MYRFL: variants seen among roughly 807,000 people sequenced by gnomAD.
MYRFL encodes myelin regulatory factor-like protein.
MYRFL carries 88 observed loss-of-function variants against 109.4 expected under a neutral mutation model. The observed-to-expected ratio is 0.80, with a 90% CI of 0.68 to 0.96. The LOEUF is 0.96. MYRFL is among the 40% of genes least tolerant of loss of function. The pLI, the probability that MYRFL is intolerant of heterozygous loss-of-function variation, is 0.00. For synonymous variants in MYRFL, 324 were observed against 320.9 expected, an observed-to-expected ratio of 1.01 and a Z score of -0.10; for missense variants, 957 against 954.9, an observed-to-expected ratio of 1.00 and a Z score of -0.03.
chr12:69,940,389 G>A (rs866260551), intron 19 of MYRFL, among the ~76,000 whole-genome samples: 181 of 150,868 alleles, frequency 1.2e-3, no homozygotes, highest in Middle Eastern at 3.4e-3. Flanking sequence ...GAGAGTGGGG[G>A]CCAATATTCA....
rs1187483605 is a variant in MYRFL, at chr12:69,895,405, A to C, written c.1015A>C (p.Thr339Pro). Reference sequence around the variant, plus strand: ...ACTGGCTGACCAGGTCACCAAAGTAACACTGGGACGATTACACTTCAGCGA... The same window carrying C: ...ACTGGCTGACCAGGTCACCAAAGTACCACTGGGACGATTACACTTCAGCGA... ...DLLADQVTKV[T>P]LGRLHFSETT... The change falls in exon 9 of 25, where the codon ACA becomes CCA. Residue 339 changes from threonine to proline, a missense_variant. Coordinates refer to ENST00000552032, the MANE Select transcript of MYRFL (RefSeq NM_182530.3). 20 of 1,535,642 alleles carry C rather than the reference A, an allele frequency of 1.3e-5. No individual in the cohort carries two copies. The highest frequency in any genetic ancestry group is 1.7e-5 in the Non-Finnish European group (20 of 1,146,676).
At chr12:69,898,659 C>G (rs2136343143) in intron 10 of MYRFL, among the ~76,000 whole-genome samples, 1 of 152,330 alleles carries the variant, frequency 6.6e-6, no homozygotes, top group South Asian at 2.1e-4. Flanking sequence ...ACAGATAATG[C>G]CATTCTTTTC....
At chr12:69,944,898 C>A (rs896442633) in intron 19 of MYRFL, among the ~76,000 whole-genome samples, 2 of 151,808 alleles carry the variant, frequency 1.3e-5, no homozygotes, top group African/African-American at 4.8e-5. Context: ...TGATGGATAT[C>A]CCAAGTTACA....
At position 69,857,225 on chromosome 12, in the gene MYRFL, C is replaced by T. The variant is rs574173947; in HGVS notation, c.137+1855C>T. ...CTCTTCATTCCTTTCCATTGATCTA[C>T]GTGCCTATCATTTTGCCAACACAAC... On this transcript the variant is annotated intron_variant, in intron 2 of 24. Transcript: ENST00000552032. Among the ~76,000 whole-genome samples, 9 of 151,942 alleles carry T rather than the reference C, an allele frequency of 5.9e-5. No homozygotes were observed. In the East Asian group the frequency reaches 1.3e-3, roughly 23 times the overall value.
chr12:69,893,141 T>G (rs1380878118), intron 7 of MYRFL, among the ~76,000 whole-genome samples: 1 of 152,228 alleles, frequency 6.6e-6, no homozygotes, highest in Non-Finnish European at 1.5e-5. Flanking sequence ...AAACTCTTGA[T>G]GTAGGCCACC....
In MYRFL at chr12:69,827,876, A is replaced by G. The variant is rs1411599352; in HGVS notation, c.46+2313A>G. 3.9e-5 allele frequency among the ~76,000 whole-genome samples: 6 copies of G among 152,198 alleles called. No individual in the cohort carries two copies. The East Asian group carries it at 1.2e-3, about 29-fold the overall frequency. On this transcript the variant is annotated intron_variant, in intron 1 of 24. Coordinates refer to ENST00000552032, the MANE Select transcript of MYRFL (RefSeq NM_182530.3). ...GAAAACAGTTAATATATTTCCATTC[A>G]TGCACACACAAATACATAGAAAAAA...
chr12:69,895,906 A>C (rs1953978036), intron 9 of MYRFL, among the ~76,000 whole-genome samples: 1 of 152,190 alleles, frequency 6.6e-6, no homozygotes, highest in Non-Finnish European at 1.5e-5. Flanking sequence ...TGGTTTTCAA[A>C]GTGTGGTTCC....
At chr12:69,909,941 A>T (rs1390145122) in intron 11 of MYRFL, 28 bp from the exon 12 acceptor site, 4 of 1,456,270 alleles carry the variant, frequency 2.7e-6, no homozygotes, top group Non-Finnish European at 3.7e-6. Context: ...CTATGCGAGT[A>T]AAATCTGCTC....
At chr12:69,924,490 C>T (rs1955010165) in intron 13 of MYRFL, among the ~76,000 whole-genome samples, 1 of 152,154 alleles carries the variant, frequency 6.6e-6, no homozygotes, top group South Asian at 2.1e-4. Flanking sequence ...AAATGTACCA[C>T]AGTTTATTAT....
At position 69,910,019 on chromosome 12, in the gene MYRFL, A is replaced by G. The variant is rs1046114276; in HGVS notation, c.1434A>G (p.Glu478=). The change falls in exon 12 of 25, where the codon GAA becomes GAG. Residue 478 remains glutamate (E), a synonymous_variant. Transcript: ENST00000552032. ...GAATAGCCCAAATGAGAATTGTTGAATATGACTACAAACCTGAATTTGCAT... is the reference window on the plus strand; with the variant it reads ...GAATAGCCCAAATGAGAATTGTTGAGTATGACTACAAACCTGAATTTGCAT... The part of the protein sequence containing the change: ...LKRIAQMRIV[E]YDYKPEFASA... 6.5e-7 allele frequency: 1 copy of G among 1,535,128 alleles called. No homozygotes were observed. The highest frequency in any genetic ancestry group is 1.2e-5 in the South Asian group (1 of 83,820).
At chr12:69,901,878 C>T (rs929620984) in intron 10 of MYRFL, among the ~76,000 whole-genome samples, 1 of 139,056 alleles carries the variant, frequency 7.2e-6, no homozygotes, top group African/African-American at 2.7e-5. Context: ...CATTCTTTCA[C>T]TGCTGTTTTT....
chr12:69,909,318 G>A (rs1184938298), intron 11 of MYRFL, among the ~76,000 whole-genome samples: 2 of 152,124 alleles, frequency 1.3e-5, no homozygotes, highest in Admixed American at 6.5e-5. Flanking sequence ...GCCACCTCAG[G>A]GAGTCTGTCA....
intron 19 of MYRFL, among the ~76,000 whole-genome samples, chr12:69,942,662 C>T (rs2120512360): frequency 6.6e-6 from 1 of 151,676 alleles, no homozygotes; most frequent in East Asian, 1.9e-4. Context: ...TCCTATTCAA[C>T]ATAGTGTTGG....
At chr12:69,858,332 C>A (rs1309783259) in intron 2 of MYRFL, among the ~76,000 whole-genome samples, 5 of 151,458 alleles carry the variant, frequency 3.3e-5, no homozygotes, top group Non-Finnish European at 3.0e-5. Flanking sequence ...TTTATTTTTT[C>A]TGGGTTTGGT....
intron 2 of MYRFL, among the ~76,000 whole-genome samples, chr12:69,861,479 T>G (rs1884660180): frequency 6.6e-6 from 1 of 152,250 alleles, no homozygotes; most frequent in South Asian, 2.1e-4. Context: ...GGTTTTGATT[T>G]GCACTTCTCT....
intron 1 of MYRFL, among the ~76,000 whole-genome samples, chr12:69,828,832 ATTAT>A (rs1294868384): frequency 1.3e-5 from 2 of 152,128 alleles, no homozygotes; most frequent in African/African-American, 4.8e-5. Flanking sequence ...CAGAGGACTC[ATTAT>A]TTGTTTCCAA....
chr12:69,880,931 T>C (rs868821898), intron 5 of MYRFL, among the ~76,000 whole-genome samples: 1 of 145,478 alleles, frequency 6.9e-6, no homozygotes, highest in Non-Finnish European at 1.5e-5. Context: ...TCATCTAATG[T>C]CCAAGCGGTC....
intron 2 of MYRFL, among the ~76,000 whole-genome samples, chr12:69,869,324 A>G (rs1032850823): frequency 6.6e-6 from 1 of 152,120 alleles, no homozygotes; most frequent in Non-Finnish European, 1.5e-5. Flanking sequence ...CAGACAATGC[A>G]TTTCCTTATT....
intron 7 of MYRFL, 94 bp from the exon 8 acceptor site, chr12:69,893,670 T>A: frequency 1.6e-6 from 1 of 642,366 alleles, no homozygotes; most frequent in Non-Finnish European, 2.3e-6. Flanking sequence ...CCTAGGATGA[T>A]GCCTTGAAAA....
Sources: gnomAD v4.1 joint callset for allele counts (sites outside exome capture counted in the v4.1 genomes callset) on GRCh38, gnomAD v4.1.1 for gene constraint, MANE v1.5 for transcripts, NCBI Gene and HGNC (gene_info 2026-07-23, HGNC 2026-07-21) for gene names.